Variants in EDA observed in about 807,000 individuals in gnomAD.
EDA encodes ectodysplasin A.
In EDA, 2 loss-of-function variants were observed where a neutral mutation model predicts 23.6. That is an observed-to-expected ratio of 0.08 (90% CI 0.03 to 0.27). EDA has a LOEUF of 0.27. Ranked by LOEUF, EDA falls within the 10% of genes least tolerant of loss-of-function variation. The pLI is 1.00. For synonymous variants in EDA, 131 were observed against 132.0 expected (o/e 0.99, Z 0.05); for missense variants, 229 against 324.2 (o/e 0.71, Z 2.26).
chrX:69,704,087 C>G (rs2011619299), intron 1 of EDA, among the ~76,000 whole-genome samples: 1 of 111,576 alleles, frequency 9.0e-6, no homozygotes, highest in Non-Finnish European at 1.9e-5. Flanking sequence ...TGACCAATGG[C>G]CTGTGACACA....
chrX:69,823,402 G>C (rs1244318365), intron 1 of EDA, among the ~76,000 whole-genome samples: 5 of 88,695 alleles, frequency 5.6e-5, no homozygotes, highest in Admixed American at 3.8e-4. Context: ...ACTGGTGTGA[G>C]ATGGTATGTC....
At chrX:69,700,268 G>A (rs1218912565) in intron 1 of EDA, among the ~76,000 whole-genome samples, 1 of 111,522 alleles carries the variant, frequency 9.0e-6, no homozygotes, top group African/African-American at 3.3e-5. Context: ...GGTGGGGGCT[G>A]TTTCTGAAAC....
intron 2 of EDA, among the ~76,000 whole-genome samples, chrX:69,990,756 T>TC (rs1556056722): frequency 9.3e-6 from 1 of 107,564 alleles, no homozygotes; most frequent in African/African-American, 3.4e-5. Flanking sequence ...TTTTTTTTTT[T>TC]CTGTCTGTTC....
intron 1 of EDA, among the ~76,000 whole-genome samples, chrX:69,895,769 C>G (rs771881911): frequency 9.0e-6 from 1 of 111,470 alleles, no homozygotes; most frequent in East Asian, 2.8e-4. Context: ...CTTTCCACAG[C>G]GGTAATTATC....
At chrX:69,699,524 CTG>C (rs991640103) in intron 1 of EDA, among the ~76,000 whole-genome samples, 8 of 111,223 alleles carry the variant, frequency 7.2e-5, no homozygotes, top group African/African-American at 9.8e-5. Flanking sequence ...GTTGAATAAA[CTG>C]TTAGGTTGGC....
chrX:69,624,996 A>G (rs943465550), intron 1 of EDA, among the ~76,000 whole-genome samples: 1 of 111,220 alleles, frequency 9.0e-6, no homozygotes, highest in Non-Finnish European at 1.9e-5. Flanking sequence ...TAAGCAGGAA[A>G]TTTAGCCCAA....
At chrX:69,682,914 A>G (rs1286346338) in intron 1 of EDA, among the ~76,000 whole-genome samples, 1 of 111,443 alleles carries the variant, frequency 9.0e-6, no homozygotes, top group Non-Finnish European at 1.9e-5. Flanking sequence ...GTTTATCAAC[A>G]TGCAATACGT....
At chrX:69,741,556 A>G (rs1392550688) in intron 1 of EDA, among the ~76,000 whole-genome samples, 2 of 111,793 alleles carry the variant, frequency 1.8e-5, no homozygotes, top group South Asian at 3.7e-4. Context: ...TTGTCAGTCT[A>G]TTGGTATCAT....
At chrX:69,730,766 A>G (rs936584085) in intron 1 of EDA, among the ~76,000 whole-genome samples, 1 of 112,181 alleles carries the variant, frequency 8.9e-6, no homozygotes, top group African/African-American at 3.2e-5. Flanking sequence ...TTTTGTGACC[A>G]TAATGAAAAA....
chrX:69,659,758 T>G (rs1933426983), intron 1 of EDA, among the ~76,000 whole-genome samples: 1 of 111,594 alleles, frequency 9.0e-6, no homozygotes, highest in Non-Finnish European at 1.9e-5. Context: ...TCTTGTGGTG[T>G]TGGAGGCAGT....
intron 1 of EDA, among the ~76,000 whole-genome samples, chrX:69,887,976 G>T (rs1390442823): frequency 9.0e-6 from 1 of 111,650 alleles, no homozygotes; most frequent in Non-Finnish European, 1.9e-5. Context: ...GAAAACACAT[G>T]AAAGTAAAAA....
At chrX:69,751,948 G>T (rs188728808) in intron 1 of EDA, among the ~76,000 whole-genome samples, 100 of 110,468 alleles carry the variant, frequency 9.1e-4, no homozygotes, top group African/African-American at 3.1e-3. Context: ...CTTTGCTGAA[G>T]TTGCTTATCA....
chrX:69,886,525 G>C (rs867615646), intron 1 of EDA, among the ~76,000 whole-genome samples: 1 of 106,409 alleles, frequency 9.4e-6, no homozygotes, highest in African/African-American at 3.9e-5. Context: ...GCAGACTACA[G>C]TAGTACTGCA....
At chrX:69,867,924 A>G (rs952258475) in intron 1 of EDA, among the ~76,000 whole-genome samples, 2 of 112,071 alleles carry the variant, frequency 1.8e-5, no homozygotes, top group East Asian at 2.8e-4. Context: ...CTTTATGGCT[A>G]GATGGGTCAG....
chrX:69,773,260 T>C, intron 1 of EDA, among the ~76,000 whole-genome samples: 1 of 112,673 alleles, frequency 8.9e-6, no homozygotes. Flanking sequence ...TAAGGCTGAA[T>C]AATATTCCAT....
intron 1 of EDA, among the ~76,000 whole-genome samples, chrX:69,634,190 T>A (rs1932707929): frequency 8.9e-6 from 1 of 112,817 alleles, no homozygotes; most frequent in Non-Finnish European, 1.9e-5. Context: ...TGTCCATTTC[T>A]AAATTGCATT....
intron 1 of EDA, chrX:69,742,887 T>C (rs1569315141): frequency 9.0e-6 from 1 of 111,484 alleles, no homozygotes; most frequent in Non-Finnish European, 1.9e-5. Flanking sequence ...AATGATATTT[T>C]TTATGGCTTT....
intron 1 of EDA, among the ~76,000 whole-genome samples, chrX:69,861,900 G>A (rs1311744379): frequency 8.9e-6 from 1 of 112,024 alleles, no homozygotes; most frequent in Non-Finnish European, 1.9e-5. Flanking sequence ...TCATGAGACA[G>A]TTTAATACAT....
intron 1 of EDA, among the ~76,000 whole-genome samples, chrX:69,827,551 C>T (rs2016483443): frequency 8.9e-6 from 1 of 112,037 alleles, no homozygotes; most frequent in Non-Finnish European, 1.9e-5. Context: ...TCAGCTCCAT[C>T]AACTCCTTTA....
Sources: gnomAD v4.1 joint callset for allele counts (sites outside exome capture counted in the v4.1 genomes callset) on GRCh38, gnomAD v4.1.1 for gene constraint, MANE v1.5 for transcripts, NCBI Gene and HGNC (gene_info 2026-07-23, HGNC 2026-07-21) for gene names.